Variants in ACSL5 observed in about 807,000 individuals in gnomAD.
ACSL5 encodes the protein long-chain-fatty-acid--CoA ligase 5.
Under a neutral mutation model 84.9 loss-of-function variants are expected in ACSL5, and 50 were observed. The observed-to-expected ratio is 0.59, with a 90% CI of 0.47 to 0.75. The LOEUF (loss-of-function observed/expected upper bound fraction) is 0.75, where lower values mean the gene tolerates loss of function less well. ACSL5 is among the 30% of genes least tolerant of loss of function. The pLI, the probability that ACSL5 is intolerant of heterozygous loss-of-function variation, is 0.00. For synonymous variants in ACSL5, 280 were observed against 300.7 expected (o/e 0.93, Z 0.71); for missense variants, 775 against 830.4 (o/e 0.93, Z 0.82).
intron 1 of ACSL5, among the ~76,000 whole-genome samples, chr10:112,391,240 A>G (rs1849556848): frequency 6.6e-6 from 1 of 152,104 alleles, no homozygotes; most frequent in African/African-American, 2.4e-5. Context: ...TTAGTTGCGC[A>G]TGGTGGCAGG....
chr10:112,400,329 C>T (rs1843850739), intron 3 of ACSL5, among the ~76,000 whole-genome samples: 1 of 151,852 alleles, frequency 6.6e-6, no homozygotes, highest in South Asian at 2.1e-4. Context: ...AATCCTCTCA[C>T]CTCAGCTTCC....
chr10:112,388,643 A>G (rs2133579205), intron 1 of ACSL5, among the ~76,000 whole-genome samples: 1 of 152,366 alleles, frequency 6.6e-6, no homozygotes, highest in Middle Eastern at 3.4e-3. Flanking sequence ...AAACAAAATT[A>G]AAATCTCTGT....
intron 18 of ACSL5, 96 bp downstream of exon 18, chr10:112,425,577 G>T: frequency 8.0e-5 from 64 of 795,860 alleles, no homozygotes; most frequent in Non-Finnish European, 1.0e-4. Context: ...AGAATGAGAA[G>T]ATCCAAGCTT....
At chr10:112,388,908 G>A (rs914375854) in intron 1 of ACSL5, among the ~76,000 whole-genome samples, 9 of 152,140 alleles carry the variant, frequency 5.9e-5, no homozygotes, top group African/African-American at 2.2e-4. Context: ...CAAATACAGA[G>A]GCTTCCAGAT....
intron 1 of ACSL5, among the ~76,000 whole-genome samples, chr10:112,388,264 A>G (rs1454286525): frequency 6.6e-6 from 1 of 152,148 alleles, no homozygotes; most frequent in African/African-American, 2.4e-5. Flanking sequence ...TCTTGGCTGG[A>G]CTTTCTACCT....
At chr10:112,410,037 G>C (rs544359960) in intron 7 of ACSL5, 4 of 340,714 alleles carry the variant, frequency 1.2e-5, no homozygotes, top group South Asian at 2.4e-4. Context: ...CCCTTCTCTC[G>C]GTCCGTAAAA....
chr10:112,422,589 T>C, intron 17 of ACSL5, 148 bp downstream of exon 17: 1 of 688,352 alleles, frequency 1.5e-6, no homozygotes, highest in Non-Finnish European at 2.5e-6. Flanking sequence ...GGCTTATGAC[T>C]TCCTCATACT....
intron 5 of ACSL5, among the ~76,000 whole-genome samples, chr10:112,405,200 C>T (rs769695531): frequency 1.1e-4 from 16 of 152,184 alleles, no homozygotes; most frequent in Non-Finnish European, 1.8e-4. Context: ...CCATTCATTG[C>T]TACTGAGTCT....
chr10:112,404,536 A>G lies in ACSL5; in HGVS notation c.291A>G (p.Arg97=). 6.2e-7 allele frequency: 1 copy of G among 1,613,778 alleles called. No homozygotes were observed. The highest frequency in any genetic ancestry group is 8.5e-7 in the Non-Finnish European group (1 of 1,179,676). ...ACAATGGGCCCTGCTTGGGATATAG[A>G]AAACCAAACCAGCCCTACAGATGGC... ...VSDNGPCLGY[R]KPNQPYRWLS... Residue 97 remains arginine (R), a synonymous_variant, in exon 4 of 21, where the codon AGA becomes AGG. Coordinates refer to ENST00000354655, the MANE Select transcript of ACSL5 (RefSeq NM_203379.2).
At chr10:112,388,981 AAGAT>A (rs1037480175) in intron 1 of ACSL5, among the ~76,000 whole-genome samples, 8 of 152,234 alleles carry the variant, frequency 5.3e-5, no homozygotes, top group African/African-American at 1.9e-4. Flanking sequence ...AATCTTTTAA[AAGAT>A]AGAGACTATC....
At chr10:112,374,859 G>T (rs1849208048) in intron 1 of ACSL5, among the ~76,000 whole-genome samples, 1 of 152,238 alleles carries the variant, frequency 6.6e-6, no homozygotes, top group East Asian at 1.9e-4. Context: ...TAGAATTTGA[G>T]ACTTGATTGG....
At chr10:112,375,942 G>A (rs1325752181) in intron 1 of ACSL5, among the ~76,000 whole-genome samples, 1 of 152,168 alleles carries the variant, frequency 6.6e-6, no homozygotes, top group Admixed American at 6.5e-5. Context: ...AATCCAGCAG[G>A]GAACAGCGTC....
intron 3 of ACSL5, among the ~76,000 whole-genome samples, chr10:112,401,786 C>CTCTCTCTT (rs1280459085): frequency 2.4e-3 from 287 of 119,488 alleles, no homozygotes; most frequent in African/African-American, 5.6e-3. Context: ...TTCTTTCTTT[C>CTCTCTCTT]TCTTTCTTTC....
intron 18 of ACSL5, among the ~76,000 whole-genome samples, chr10:112,425,823 C>T (rs1844660097): frequency 1.3e-5 from 2 of 151,930 alleles, no homozygotes; most frequent in Non-Finnish European, 1.5e-5. Context: ...TATAAAACAA[C>T]AAACTGTTGC....
chr10:112,422,456 A>G lies in ACSL5; in HGVS notation c.1593+15A>G, dbSNP rs1844488132. ...GCTGGCTCCCGGTAGGTATATCATCAGAACTCCTGGAAGTCTATGCTAATG... is the reference window on the plus strand; with the variant it reads ...GCTGGCTCCCGGTAGGTATATCATCGGAACTCCTGGAAGTCTATGCTAATG... On this transcript the variant is annotated intron_variant, in intron 17 of 20. Coordinates refer to ENST00000354655, the MANE Select transcript of ACSL5 (RefSeq NM_203379.2). 6.2e-7 allele frequency: 1 copy of G among 1,607,488 alleles called. No individual in the cohort carries two copies. The highest frequency in any genetic ancestry group is 8.5e-7 in the Non-Finnish European group (1 of 1,174,700).
rs80307319 is a variant in ACSL5 at position 112,398,129 on chromosome 10, A to C, written c.157-772A>C. Among the ~76,000 whole-genome samples, 2 of 10,312 alleles carry C rather than the reference A, an allele frequency of 1.9e-4. 1 individual carries two copies. The highest frequency in any genetic ancestry group is 5.4e-4 in the African/African-American group (2 of 3,672). 6.8% of individuals were successfully genotyped at this position (10,312 alleles called of 152,430 possible). A position where few individuals can be genotyped will look rare whatever the true frequency, so the allele number is the denominator to read the frequency against. ...CGCCCAGGCTGGAGTGCAGTGGCGC[A>C]ATCTCGGCTCACTGCAAGCTCCGCC... On this transcript the variant is annotated intron_variant, in intron 2 of 20. Transcript: ENST00000354655.
chr10:112,427,190 C>T (rs1414079101), intron 20 of ACSL5, 28 bp from the exon 21 acceptor site: 1 of 1,597,332 alleles, frequency 6.3e-7, no homozygotes, highest in South Asian at 1.1e-5. Context: ...CACTAATGAG[C>T]ATGGATGTGT....
chr10:112,374,724 G>C (rs1295826831), intron 1 of ACSL5, among the ~76,000 whole-genome samples: 14 of 152,130 alleles, frequency 9.2e-5, no homozygotes, highest in Admixed American at 9.2e-4. Flanking sequence ...GATTATGTAT[G>C]TTACTTCATT....
At position 112,416,944 on chromosome 10, in the gene ACSL5, C is replaced by T; in HGVS notation, c.1140C>T (p.Ser380=). 6.2e-7 allele frequency: 1 copy of T among 1,614,022 alleles called. No homozygotes were observed. The highest frequency in any genetic ancestry group is 8.5e-7 in the Non-Finnish European group (1 of 1,179,980). ...LKKFLLKLAV[S]SKFKELQKGI... ...AGTTCTTGTTGAAGCTGGCTGTTTC[C>T]AGTAAATTCAAAGAGCTTCAAAAGG... is the stretch of plus-strand genomic sequence containing the variant. Residue 380 remains serine (S), a synonymous_variant, in exon 13 of 21, where the codon TCC becomes TCT. Transcript: ENST00000354655.
Sources: allele counts gnomAD v4.1 joint callset (sites outside exome capture counted in the v4.1 genomes callset), GRCh38; gene constraint gnomAD v4.1.1; transcripts MANE v1.5; gene names NCBI Gene and HGNC (gene_info 2026-07-23, HGNC 2026-07-21).